The following KLF12 variants were observed in gnomAD, a reference collection of about 807,000 sequenced individuals.
KLF12 encodes KLF transcription factor 12.
In KLF12, 9 loss-of-function variants were observed where a neutral mutation model predicts 37.8. That is an observed-to-expected ratio of 0.24 (90% CI 0.14 to 0.42). The LOEUF (loss-of-function observed/expected upper bound fraction) is 0.42. KLF12 is among the 10% of genes least tolerant of loss of function. KLF12 has a pLI of 1.00. For synonymous variants in KLF12, 208 were observed against 202.1 expected (o/e 1.03, Z -0.25); for missense variants, 411 against 516.0 (o/e 0.80, Z 1.97).
chr13:73,840,602 G>A (rs1884687232), intron 4 of KLF12, among the ~76,000 whole-genome samples: 1 of 151,762 alleles, frequency 6.6e-6, no homozygotes, highest in African/African-American at 2.4e-5. Flanking sequence ...CCCACCATCC[G>A]ACCCATACTG....
chr13:74,220,690 G>C, the KLF12 span, among the ~76,000 whole-genome samples: 1 of 152,076 alleles, frequency 6.6e-6, no homozygotes, highest in African/African-American at 2.4e-5. Flanking sequence ...CCCAACCCTA[G>C]CCCTTGGCAA....
chr13:73,921,322 T>C (rs1272607894), intron 3 of KLF12, among the ~76,000 whole-genome samples: 1 of 152,150 alleles, frequency 6.6e-6, no homozygotes, highest in Non-Finnish European at 1.5e-5. Flanking sequence ...TTGCTGAACT[T>C]TCAGAAGGTG....
chr13:73,816,215 A>AC (rs1435067039), intron 4 of KLF12, among the ~76,000 whole-genome samples: 9 of 152,158 alleles, frequency 5.9e-5, no homozygotes, highest in African/African-American at 2.2e-4. Context: ...ACCCTAGTTA[A>AC]CCTCCATCAG....
intron 3 of KLF12, among the ~76,000 whole-genome samples, chr13:73,853,142 C>T (rs866677069): frequency 6.6e-6 from 1 of 152,176 alleles, no homozygotes; most frequent in Admixed American, 6.5e-5. Flanking sequence ...GCTGGGATTA[C>T]AGGCGTGAGC....
At chr13:73,734,010 G>A (rs1404307854) in intron 6 of KLF12, among the ~76,000 whole-genome samples, 4 of 152,154 alleles carry the variant, frequency 2.6e-5, no homozygotes, top group African/African-American at 7.2e-5. Context: ...ATTCTGTTGA[G>A]CGTCCTCTGC....
chr13:73,988,491 A>G (rs982588252), intron 2 of KLF12, among the ~76,000 whole-genome samples: 1 of 152,242 alleles, frequency 6.6e-6, no homozygotes, highest in Non-Finnish European at 1.5e-5. Flanking sequence ...TATATGTTTG[A>G]ATTGTAGTGT....
chr13:74,047,988 C>T (rs1330486174), intron 1 of KLF12, among the ~76,000 whole-genome samples: 1 of 152,210 alleles, frequency 6.6e-6, no homozygotes, highest in East Asian at 1.9e-4. Flanking sequence ...CCAAGCCTCA[C>T]AGAACTCATG....
At chr13:74,220,809 C>T in the KLF12 span, among the ~76,000 whole-genome samples, 1 of 152,098 alleles carries the variant, frequency 6.6e-6, no homozygotes, top group Non-Finnish European at 1.5e-5. Context: ...ACAGATTGTC[C>T]TCCAGATTTA....
At chr13:73,773,473 A>G (rs1338848749) in intron 5 of KLF12, among the ~76,000 whole-genome samples, 7 of 152,182 alleles carry the variant, frequency 4.6e-5, no homozygotes, top group Admixed American at 2.0e-4. Flanking sequence ...AGTCATTAAC[A>G]CCAGTATCAA....
At chr13:73,700,574 AC>A (rs1231956896) in intron 7 of KLF12, among the ~76,000 whole-genome samples, 1 of 151,774 alleles carries the variant, frequency 6.6e-6, no homozygotes, top group African/African-American at 2.4e-5. Flanking sequence ...GCATTCTCTC[AC>A]CATGCTTAAA....
chr13:73,732,513 G>A (rs1350949621), intron 6 of KLF12, among the ~76,000 whole-genome samples: 1 of 152,076 alleles, frequency 6.6e-6, no homozygotes, highest in South Asian at 2.1e-4. Flanking sequence ...CCAAGCACCT[G>A]AAACAGTGGC....
intron 1 of KLF12, among the ~76,000 whole-genome samples, chr13:74,088,838 C>A (rs1175152469): frequency 1.3e-5 from 2 of 152,194 alleles, no homozygotes; most frequent in Non-Finnish European, 2.9e-5. Context: ...GCACTTTGAA[C>A]TGTTAAAAAT....
intron 3 of KLF12, among the ~76,000 whole-genome samples, chr13:73,870,187 G>C (rs1205896332): frequency 6.6e-6 from 1 of 152,136 alleles, no homozygotes. Flanking sequence ...TCATCAAGCA[G>C]TTCTTCCTTC....
intron 6 of KLF12, among the ~76,000 whole-genome samples, chr13:73,754,287 C>T (rs1035522396): frequency 6.6e-6 from 1 of 152,160 alleles, no homozygotes; most frequent in Non-Finnish European, 1.5e-5. Context: ...CAATTCCTAA[C>T]ACTCAAAATG....
chr13:73,952,012 T>C (rs970214360), intron 2 of KLF12, among the ~76,000 whole-genome samples: 8 of 152,214 alleles, frequency 5.3e-5, no homozygotes, highest in Non-Finnish European at 7.3e-5. Context: ...GGAGATAAGC[T>C]TGTTGTTGAC....
At chr13:74,073,091 G>A (rs866417276) in intron 1 of KLF12, among the ~76,000 whole-genome samples, 3 of 152,178 alleles carry the variant, frequency 2.0e-5, no homozygotes, top group South Asian at 2.1e-4. Context: ...ACGTTAAGAC[G>A]TGTCTTTGCT....
At chr13:74,083,136 C>T (rs1276550748) in intron 1 of KLF12, among the ~76,000 whole-genome samples, 2 of 152,184 alleles carry the variant, frequency 1.3e-5, no homozygotes, top group Non-Finnish European at 2.9e-5. Context: ...CACAGTCAGG[C>T]ATCATCTCTA....
intron 6 of KLF12, among the ~76,000 whole-genome samples, chr13:73,733,592 A>G (rs1877230562): frequency 6.6e-6 from 1 of 152,152 alleles, no homozygotes; most frequent in African/African-American, 2.4e-5. Context: ...ATGGGCATCT[A>G]GGTTGTCTCT....
intron 3 of KLF12, among the ~76,000 whole-genome samples, chr13:73,942,734 G>T (rs1346793432): frequency 6.6e-6 from 1 of 152,162 alleles, no homozygotes; most frequent in Non-Finnish European, 1.5e-5. Context: ...GTATAGGACT[G>T]TGGAGTCATG....
Sources: allele counts gnomAD v4.1 joint callset (sites outside exome capture counted in the v4.1 genomes callset), GRCh38; gene constraint gnomAD v4.1.1; transcripts MANE v1.5; gene names NCBI Gene and HGNC (gene_info 2026-07-23, HGNC 2026-07-21).